Variants in APLP2 observed in about 807,000 individuals in gnomAD.
APLP2 encodes CDEI box-binding protein.
A neutral mutation model predicts 89.9 loss-of-function variants in APLP2; 53 were observed. The ratio of observed to expected loss-of-function variants is 0.59; its 90% CI spans 0.47 to 0.74. The LOEUF (loss-of-function observed/expected upper bound fraction) is 0.74, where lower values mean the gene tolerates loss of function less well. Ranked by LOEUF, APLP2 falls within the 30% of genes least tolerant of loss-of-function variation. The pLI is 0.00. For missense variants in APLP2, 973 were observed against 975.9 expected, an observed-to-expected ratio of 1.00 and a Z score of 0.04; for synonymous variants, 372 against 348.6, an observed-to-expected ratio of 1.07 and a Z score of -0.75.
intron 7 of APLP2, 134 bp from the exon 8 acceptor site, chr11:130,126,566 A>C: frequency 1.0e-6 from 1 of 996,270 alleles, no homozygotes; most frequent in Non-Finnish European, 1.5e-6. Flanking sequence ...AAGTCTTGGC[A>C]GATAGCAGCA....
At chr11:130,135,463 C>T in intron 12 of APLP2, 100 bp from the exon 13 acceptor site, 1 of 1,353,980 alleles carries the variant, frequency 7.4e-7, no homozygotes, top group Non-Finnish European at 1.0e-6. Context: ...CAGGCAGGAA[C>T]TGGGAGCCAC....
At chr11:130,070,921 G>A (rs1374113130) in intron 1 of APLP2, among the ~76,000 whole-genome samples, 2 of 150,012 alleles carry the variant, frequency 1.3e-5, no homozygotes, top group South Asian at 4.2e-4. Flanking sequence ...AGGGCCGGGG[G>A]TTGGGGAGGC....
chr11:130,108,348 T>C (rs1159782440), intron 1 of APLP2, among the ~76,000 whole-genome samples: 2 of 151,578 alleles, frequency 1.3e-5, no homozygotes, highest in South Asian at 2.1e-4. Flanking sequence ...ACAAATAACT[T>C]AAACAAATTT....
chr11:130,133,002 A>G (rs983136821), intron 11 of APLP2, among the ~76,000 whole-genome samples: 10 of 149,514 alleles, frequency 6.7e-5, no homozygotes, highest in Admixed American at 6.0e-4. Flanking sequence ...TTGGCTCAAT[A>G]TAATTAGTAG....
chr11:130,092,600 A>G (rs1040005964), intron 1 of APLP2, among the ~76,000 whole-genome samples: 4 of 145,214 alleles, frequency 2.8e-5, no homozygotes, highest in East Asian at 4.3e-4. Context: ...AATCGCAGGC[A>G]TTGGGCAGAC....
chr11:130,140,346 G>C (rs1034042748), intron 13 of APLP2, 52 bp from the exon 14 acceptor site: 2 of 1,439,930 alleles, frequency 1.4e-6, no homozygotes, highest in South Asian at 2.6e-5. Context: ...CTGTGCAATG[G>C]GTGTGAGATG....
intron 1 of APLP2, among the ~76,000 whole-genome samples, chr11:130,087,905 A>G (rs912345397): frequency 2.6e-5 from 4 of 152,218 alleles, no homozygotes; most frequent in African/African-American, 9.6e-5. Context: ...TTGAAACTCA[A>G]TGTTGGTTAG....
intron 1 of APLP2, chr11:130,070,822 A>C: frequency 8.1e-7 from 1 of 1,231,102 alleles, no homozygotes; most frequent in Non-Finnish European, 1.0e-6. Flanking sequence ...TGTTGGAAAA[A>C]TCGTCCTCTT....
At chr11:130,111,869 A>T (rs1398719971) in intron 3 of APLP2, among the ~76,000 whole-genome samples, 4 of 152,170 alleles carry the variant, frequency 2.6e-5, no homozygotes, top group African/African-American at 9.7e-5. Context: ...TTATCCTGGA[A>T]TATTTGTAGA....
rs1377886931 is a variant in APLP2, at chr11:130,070,037, G to C, written c.60G>C (p.Leu20=). Residue 20 remains leucine (L), a synonymous_variant, in exon 1 of 17, where the codon CTG becomes CTC. Transcript: ENST00000338167. Reference sequence around the variant, plus strand: ...CGGGCAGGCTCCTGCTTCTGCTGCTGGTGGGGCTCACGGCGCCTGCCTTGG... The same window carrying C: ...CGGGCAGGCTCCTGCTTCTGCTGCTCGTGGGGCTCACGGCGCCTGCCTTGG... ...AATGRLLLLL[L]VGLTAPALAL... is the part of the protein sequence containing the mutation. 1 of 1,514,338 alleles carries C rather than the reference G, an allele frequency of 6.6e-7. No individual in the cohort carries two copies. Among genetic ancestry groups the C allele is most frequent in the Admixed American group, 2.0e-5 (1 of 49,346 alleles). The allele number at this position is 1,514,338 out of a possible 1,614,324, so 93.8% of individuals were successfully genotyped here.
rs1205463618 is a variant in APLP2 at position 130,141,786 on chromosome 11, C to G, written c.1999-133C>G. 1 of 1,156,430 alleles carries G rather than the reference C, an allele frequency of 8.6e-7. No homozygotes were observed. Among genetic ancestry groups the G allele is most frequent in the Non-Finnish European group, 1.2e-6 (1 of 819,716 alleles). 71.6% of individuals were successfully genotyped at this position (1,156,430 alleles called of 1,614,324 possible). A position where few individuals can be genotyped will look rare whatever the true frequency, so the allele number is the denominator to read the frequency against. On this transcript the variant is annotated intron_variant, in intron 15 of 16. Coordinates refer to ENST00000338167, the MANE Select transcript of APLP2 (RefSeq NM_001142276.2). This position sits in a 1 kb window ranked among gnomAD's most constrained non-coding sequence, Gnocchi z 4.2. Reference sequence around the variant, plus strand: ...TTCTCCACCTGTGGGTGGTTCCCTGCAAAGCAGGATCTTGGTGCTACTTTG... The same window carrying G: ...TTCTCCACCTGTGGGTGGTTCCCTGGAAAGCAGGATCTTGGTGCTACTTTG...
chr11:130,108,469 T>C (rs1948097941), intron 1 of APLP2: 1 of 152,242 alleles, frequency 6.6e-6, no homozygotes, highest in Non-Finnish European at 1.5e-5. Flanking sequence ...TCATCATCAC[T>C]GGCCATCAGA....
intron 1 of APLP2, among the ~76,000 whole-genome samples, chr11:130,084,853 A>G (rs1233931153): frequency 6.6e-6 from 1 of 152,208 alleles, no homozygotes; most frequent in Non-Finnish European, 1.5e-5. Context: ...GAAAAAAACA[A>G]TAGAAAAAAA....
At chr11:130,089,494 T>C (rs1944589466) in intron 1 of APLP2, among the ~76,000 whole-genome samples, 1 of 152,212 alleles carries the variant, frequency 6.6e-6, no homozygotes, top group African/African-American at 2.4e-5. Context: ...CACCTCACAT[T>C]CACAGCGTGC....
At chr11:130,126,955 G>C in intron 8 of APLP2, 125 bp downstream of exon 8, 3 of 1,322,026 alleles carry the variant, frequency 2.3e-6, no homozygotes, top group Non-Finnish European at 3.2e-6. Context: ...TGGTGAGTCA[G>C]GAGAGAGTTA....
chr11:130,104,236 G>C (rs1304557667), intron 1 of APLP2, among the ~76,000 whole-genome samples: 1 of 78,134 alleles, frequency 1.3e-5, no homozygotes, highest in African/African-American at 6.1e-5. Context: ...TTTTTTTTGA[G>C]ACAGATTCTC....
At chr11:130,117,813 C>T (rs937762010) in intron 3 of APLP2, among the ~76,000 whole-genome samples, 3 of 152,166 alleles carry the variant, frequency 2.0e-5, no homozygotes, top group Admixed American at 6.5e-5. Flanking sequence ...TGGCTCACGC[C>T]TGTAATCCCA....
rs2136146494 is a variant in APLP2 at position 130,140,492 on chromosome 11, G to GT, written c.1923+11dup. 1 of 1,602,028 alleles carries GT rather than the reference G, an allele frequency of 6.2e-7. No homozygotes were observed. The highest frequency in any genetic ancestry group is 2.3e-5 in the East Asian group (1 of 44,422). On this transcript the variant is annotated intron_variant, in intron 14 of 16. Coordinates refer to ENST00000338167, the MANE Select transcript of APLP2 (RefSeq NM_001142276.2). Reference sequence around the variant, plus strand: ...AAGTGGATGAAAACATGGTGAGCCTGTTCTTTCTTCTGCCCAACACGCTTT... The same window carrying GT: ...AAGTGGATGAAAACATGGTGAGCCTGTTTCTTTCTTCTGCCCAACACGCTTT...
chr11:130,105,994 C>T (rs1026277072), intron 1 of APLP2, among the ~76,000 whole-genome samples: 9 of 151,912 alleles, frequency 5.9e-5, no homozygotes, highest in Admixed American at 3.3e-4. Context: ...TGAGCCCCCA[C>T]GCCCGGCCGA....
Sources: gnomAD v4.1 joint callset for allele counts (sites outside exome capture counted in the v4.1 genomes callset) on GRCh38, gnomAD v4.1.1 for gene constraint, Gnocchi (gnomAD v3.1) non-coding constraint, MANE v1.5 for transcripts, NCBI Gene and HGNC (gene_info 2026-07-23, HGNC 2026-07-21) for gene names.